SMC1B: variants seen among roughly 807,000 people sequenced by gnomAD.
SMC1B encodes the protein structural maintenance of chromosomes protein 1B.
A neutral mutation model predicts 157.9 loss-of-function variants in SMC1B; 60 were observed. The ratio of observed to expected loss-of-function variants is 0.38; its 90% CI spans 0.31 to 0.47. The LOEUF is 0.47. Among genes scored for constraint, SMC1B ranks in the 20% least tolerant of loss-of-function variants. The pLI, the probability that SMC1B is intolerant of heterozygous loss-of-function variation, is 0.99. For synonymous variants in SMC1B, 445 were observed against 483.0 expected (o/e 0.92, Z 1.03); for missense variants, 1,165 against 1,426.2 (o/e 0.82, Z 2.95).
chr22:45,403,406 T>C (rs2087219050), intron 4 of SMC1B, among the ~76,000 whole-genome samples: 1 of 152,216 alleles, frequency 6.6e-6, no homozygotes, highest in Non-Finnish European at 1.5e-5. Context: ...TGCTGGTCTA[T>C]GCATTGAGAA....
intron 7 of SMC1B, among the ~76,000 whole-genome samples, chr22:45,395,264 T>C (rs554349611): frequency 3.0e-4 from 45 of 152,324 alleles, no homozygotes; most frequent in South Asian, 1.0e-3. Flanking sequence ...TAGGCACCTG[T>C]AGGGCAACTA....
intron 23 of SMC1B, among the ~76,000 whole-genome samples, chr22:45,348,229 A>G (rs1465023547): frequency 1.3e-5 from 2 of 152,212 alleles, no homozygotes. Context: ...ATGCTCAAGT[A>G]CAGTAAATTA....
At position 45,393,646 on chromosome 22, in the gene SMC1B, G is replaced by A. The variant is rs1195342620; in HGVS notation, c.1533C>T (p.Tyr511=). 1.9e-6 allele frequency: 3 copies of A among 1,611,434 alleles called. No homozygotes were observed. The highest frequency in any genetic ancestry group is 2.5e-6 in the Non-Finnish European group (3 of 1,179,166). ...AEVLEHLKRL[Y]PDSVFGRLFD... ...TCATTCTCATTACCACAGAATCTGGGTACAGTCTTTTAAGGTGTTCCAGAA... is the reference window on the plus strand; with the variant it reads ...TCATTCTCATTACCACAGAATCTGGATACAGTCTTTTAAGGTGTTCCAGAA... Residue 511 remains tyrosine, a synonymous_variant, in exon 9 of 25, where the codon TAC becomes TAT. Coordinates refer to ENST00000357450, the MANE Select transcript of SMC1B (RefSeq NM_148674.5).
chr22:45,403,707 C>T (rs951099867), intron 4 of SMC1B, among the ~76,000 whole-genome samples: 19 of 152,172 alleles, frequency 1.2e-4, no homozygotes, highest in Non-Finnish European at 1.5e-5. Context: ...GATGCTCCCA[C>T]CTTGGCCTCC....
chr22:45,355,431 A>T (rs2086660251), intron 19 of SMC1B, among the ~76,000 whole-genome samples: 1 of 152,210 alleles, frequency 6.6e-6, no homozygotes, highest in South Asian at 2.1e-4. Flanking sequence ...CAATGATGGA[A>T]GCTATTCAGT....
At chr22:45,356,345 G>C (rs1322899101) in intron 19 of SMC1B, among the ~76,000 whole-genome samples, 2 of 152,198 alleles carry the variant, frequency 1.3e-5, no homozygotes, top group Non-Finnish European at 2.9e-5. Context: ...ACTGTGATGA[G>C]GGGACAATTG....
Position 45,358,587 on chromosome 22 carries a change from G to A in SMC1B, c.2961+110C>T. The A allele has an allele frequency of 6.1e-6, 4 of 654,792 alleles. No homozygotes were observed. In the South Asian group the frequency reaches 8.9e-5, roughly 15 times the overall value. 40.6% of individuals were successfully genotyped at this position (654,792 alleles called of 1,614,324 possible). On this transcript the variant is annotated intron_variant, in intron 19 of 24. Transcript: ENST00000357450. ...TGTATATTTCTTCCAAAACCATTAGGAAATCTTTTAAAAAAAAACAAACTT... is the reference window on the plus strand; with the variant it reads ...TGTATATTTCTTCCAAAACCATTAGAAAATCTTTTAAAAAAAAACAAACTT...
At chr22:45,371,325 A>G (rs1427529591) in intron 14 of SMC1B, 146 bp downstream of exon 14, 2 of 1,267,156 alleles carry the variant, frequency 1.6e-6, no homozygotes, top group Non-Finnish European at 2.0e-6. Flanking sequence ...TGGCAAACCA[A>G]TAAAACTTAG....
At chr22:45,397,004 G>A (rs759424383) in intron 6 of SMC1B, among the ~76,000 whole-genome samples, 9 of 151,802 alleles carry the variant, frequency 5.9e-5, no homozygotes, top group Non-Finnish European at 8.8e-5. Flanking sequence ...ACATGTAATC[G>A]ACAAACAACC....
intron 12 of SMC1B, among the ~76,000 whole-genome samples, chr22:45,374,503 A>C (rs2086866587): frequency 6.6e-6 from 1 of 152,148 alleles, no homozygotes; most frequent in Admixed American, 6.5e-5. Flanking sequence ...AAACTAGTAC[A>C]CCTGTTGTTA....
At chr22:45,403,886 A>G (rs2146849457) in intron 4 of SMC1B, among the ~76,000 whole-genome samples, 1 of 152,196 alleles carries the variant, frequency 6.6e-6, no homozygotes, top group South Asian at 2.1e-4. Flanking sequence ...TTTCTATCTA[A>G]GGAGCCTGGG....
At chr22:45,411,872 C>A (rs1323684995) in intron 1 of SMC1B, among the ~76,000 whole-genome samples, 1 of 150,354 alleles carries the variant, frequency 6.7e-6, no homozygotes, top group African/African-American at 2.5e-5. Flanking sequence ...GTGTGGGCCA[C>A]CATGTCAGGC....
At chr22:45,389,176 T>A (rs1448666574) in intron 10 of SMC1B, among the ~76,000 whole-genome samples, 1 of 152,178 alleles carries the variant, frequency 6.6e-6, no homozygotes, top group Non-Finnish European at 1.5e-5. Context: ...AAAGAGAACA[T>A]TTTCTTGAGT....
chr22:45,399,031 T>C (rs2087160202), intron 6 of SMC1B, 64 bp downstream of exon 6: 11 of 1,494,368 alleles, frequency 7.4e-6, no homozygotes, highest in Non-Finnish European at 9.9e-6. Context: ...TTTAAATTTT[T>C]TTCTAATTCA....
rs1569178351 is a variant in SMC1B at position 45,361,459 on chromosome 22, A to AC, written c.2708+379_2708+380insG. ...AAAACCCTGTCTCTACTAAAAGAGA[A>AC]ACACACACACACACACACTAGCTGG... On this transcript the variant is annotated intron_variant, in intron 17 of 24. Transcript: ENST00000357450. 4.0e-5 allele frequency among the ~76,000 whole-genome samples: 6 copies of AC among 150,736 alleles called. 1 individual carries two copies. The highest frequency in any genetic ancestry group is 3.2e-3 in the Middle Eastern group (1 of 312).
chr22:45,359,142 G>T (rs1355315603), intron 18 of SMC1B, among the ~76,000 whole-genome samples: 2 of 152,148 alleles, frequency 1.3e-5, no homozygotes, highest in African/African-American at 4.8e-5. Context: ...TATATGGGAG[G>T]ATGCGCATAG....
At chr22:45,391,775 C>CT (rs1410480914) in intron 9 of SMC1B, among the ~76,000 whole-genome samples, 1 of 152,274 alleles carries the variant, frequency 6.6e-6, no homozygotes, top group East Asian at 1.9e-4. Context: ...ATTCTCTCGT[C>CT]TGAGTTTTTA....
chr22:45,389,801 C>T lies in SMC1B; in HGVS notation c.1642G>A (p.Ala548Thr). 6.2e-7 allele frequency: 1 copy of T among 1,614,056 alleles called. No individual in the cohort carries two copies. The highest frequency in any genetic ancestry group is 2.2e-5 in the East Asian group (1 of 44,864). The change falls in exon 10 of 25, where the codon GCC becomes ACC. Residue 548 changes from alanine (A) to threonine (T), a missense_variant. Ala to Thr is a moderately conservative substitution (Grantham distance 58). Coordinates refer to ENST00000357450, the MANE Select transcript of SMC1B (RefSeq NM_148674.5). ...FGRFITAIVV[A>T]SEKVAKDCIR... The stretch of plus-strand genomic sequence containing the variant: ...CAATCTTTTGCTACCTTTTCAGAGG[C>T]TACAACAATGGCAGTGATGAACCGG...
At chr22:45,391,322 C>T (rs1442752503) in intron 9 of SMC1B, among the ~76,000 whole-genome samples, 1 of 152,150 alleles carries the variant, frequency 6.6e-6, no homozygotes, top group Non-Finnish European at 1.5e-5. Flanking sequence ...TCACAGCTTA[C>T]ATTTTCCTTT....
Sources: gnomAD v4.1 joint callset for allele counts (sites outside exome capture counted in the v4.1 genomes callset) on GRCh38, gnomAD v4.1.1 for gene constraint, MANE v1.5 for transcripts, NCBI Gene and HGNC (gene_info 2026-07-23, HGNC 2026-07-21) for gene names.